WNK2: variants seen among roughly 807,000 people sequenced by gnomAD.
WNK2 encodes WNK lysine deficient protein kinase 2.
A neutral mutation model predicts 192.1 loss-of-function variants in WNK2; 67 were observed. That is an observed-to-expected ratio of 0.35 (90% CI 0.29 to 0.43). The LOEUF is 0.43. Ranked by LOEUF, WNK2 falls within the 20% of genes least tolerant of loss-of-function variation. WNK2 has a pLI of 1.00. For missense variants in WNK2, 2,698 were observed against 3,089.7 expected (o/e 0.87, Z 3.01); for synonymous variants, 1,439 against 1,393.9 (o/e 1.03, Z -0.72).
chr9:93,194,691 A>G (rs1830918107), intron 2 of WNK2, among the ~76,000 whole-genome samples: 1 of 152,246 alleles, frequency 6.6e-6, no homozygotes, highest in African/African-American at 2.4e-5. Flanking sequence ...CAATCCAGCA[A>G]CTGCGTTCCT....
intron 2 of WNK2, among the ~76,000 whole-genome samples, chr9:93,193,190 G>A (rs960653418): frequency 6.6e-6 from 1 of 152,090 alleles, no homozygotes; most frequent in South Asian, 2.1e-4. Flanking sequence ...GGTCCCAGCC[G>A]CACTGCCCTG....
At chr9:93,218,779 C>CA (rs935469121) in intron 2 of WNK2, among the ~76,000 whole-genome samples, 1 of 152,218 alleles carries the variant, frequency 6.6e-6, no homozygotes. Flanking sequence ...GTCTGGCTGT[C>CA]AGGGCCAGGG....
chr9:93,308,416 C>G lies in WNK2; in HGVS notation c.6348C>G (p.Asn2116Lys). Residue 2116 changes from asparagine to lysine, a missense_variant, in exon 28 of 30, where the codon AAC becomes AAG. Asn to Lys is a moderately conservative substitution (Grantham distance 94). This residue lies in a region of WNK2 where 167 missense variants were observed against 184.2 expected (regional missense o/e 0.91). Transcript: ENST00000427277. ...AGGCGCAGGTGAACAACAGCAACAA[C>G]AAGAAGGGTACCTTCACGGACGACC... ...HVQAQVNNSNNKKGTFTDDLH... is the reference protein window; with the variant it reads ...HVQAQVNNSNKKKGTFTDDLH... 6.2e-7 allele frequency: 1 copy of G among 1,602,420 alleles called. No individual in the cohort carries two copies. Among genetic ancestry groups the G allele is most frequent in the Non-Finnish European group, 8.5e-7 (1 of 1,175,272 alleles).
chr9:93,304,541 G>A (rs1047567932), intron 26 of WNK2, among the ~76,000 whole-genome samples: 4 of 152,250 alleles, frequency 2.6e-5, no homozygotes, highest in African/African-American at 4.8e-5. Context: ...TGGGCCTGGC[G>A]TCAATTGGCA....
intron 2 of WNK2, among the ~76,000 whole-genome samples, chr9:93,203,805 T>C (rs1036052221): frequency 6.6e-6 from 1 of 152,060 alleles, no homozygotes; most frequent in Admixed American, 6.6e-5. Flanking sequence ...ACAGGTGGTG[T>C]TGGAAGCCCT....
chr9:93,280,319 A>G (rs1466599692), intron 19 of WNK2, among the ~76,000 whole-genome samples: 1 of 152,216 alleles, frequency 6.6e-6, no homozygotes, highest in African/African-American at 2.4e-5. Flanking sequence ...TAATACCACA[A>G]TGAGACACCA....
intron 28 of WNK2, among the ~76,000 whole-genome samples, chr9:93,311,932 C>A (rs1853735722): frequency 6.6e-6 from 1 of 152,124 alleles, no homozygotes; most frequent in South Asian, 2.1e-4. Context: ...GTTCAGCCAT[C>A]CTTTCTGGTT....
chr9:93,312,406 C>T (rs1192210190), intron 28 of WNK2, among the ~76,000 whole-genome samples: 2 of 152,014 alleles, frequency 1.3e-5, no homozygotes, highest in African/African-American at 4.8e-5. Flanking sequence ...GATTGTGTCT[C>T]ACTCTGTCGC....
At chr9:93,223,311 C>T (rs1837244953) in intron 2 of WNK2, among the ~76,000 whole-genome samples, 1 of 152,208 alleles carries the variant, frequency 6.6e-6, no homozygotes, top group Non-Finnish European at 1.5e-5. Context: ...CATAAACCAC[C>T]CACTGCTCAA....
chr9:93,274,515 CAAAAAA>C (rs67350876), intron 19 of WNK2, among the ~76,000 whole-genome samples: 125 of 118,390 alleles, frequency 1.1e-3, no homozygotes, highest in African/African-American at 4.2e-3. Context: ...CCGTCTCAAC[CAAAAAA>C]AAAAAAAAAA....
intron 2 of WNK2, among the ~76,000 whole-genome samples, chr9:93,194,704 GT>G: frequency 6.6e-6 from 1 of 152,170 alleles, no homozygotes; most frequent in Non-Finnish European, 1.5e-5. Context: ...GCGTTCCTTG[GT>G]ATTTACCCAA....
At chr9:93,236,819 G>A (rs1839886648) in intron 5 of WNK2, among the ~76,000 whole-genome samples, 1 of 152,264 alleles carries the variant, frequency 6.6e-6, no homozygotes, top group Non-Finnish European at 1.5e-5. Flanking sequence ...CCCAGGTGTG[G>A]TTAGAAAGGC....
chr9:93,254,417 C>T (rs1298994968), intron 9 of WNK2, among the ~76,000 whole-genome samples: 15 of 152,184 alleles, frequency 9.9e-5, no homozygotes, highest in African/African-American at 4.8e-5. Context: ...GTCGGCTGAG[C>T]GTGGGCACAT....
At position 93,320,396 on chromosome 9, in the gene WNK2, C is replaced by G. The variant is rs376731708; in HGVS notation, c.*4C>G. ...TGAGAGTGAGAAGCCTGACTGACCCCGCCTAGACGCCAGGCCCACTTCACG... is the reference window on the plus strand; with the variant it reads ...TGAGAGTGAGAAGCCTGACTGACCCGGCCTAGACGCCAGGCCCACTTCACG... On this transcript the variant is annotated 3_prime_UTR_variant, in exon 30 of 30. Transcript: ENST00000427277. The G allele has an allele frequency of 2.9e-6, 4 of 1,367,646 alleles. No individual in the cohort carries two copies. The highest frequency in any genetic ancestry group is 3.9e-6 in the Non-Finnish European group (4 of 1,021,842). 84.7% of individuals were successfully genotyped at this position (1,367,646 alleles called of 1,614,324 possible).
At chr9:93,187,185 C>G (rs1031790222) in intron 2 of WNK2, among the ~76,000 whole-genome samples, 23 of 152,148 alleles carry the variant, frequency 1.5e-4, no homozygotes, top group Non-Finnish European at 8.8e-5. Flanking sequence ...GCCTGCTGAT[C>G]TGGCTGAGGC....
rs758491161 is a variant in WNK2 at position 93,259,036 on chromosome 9, C to A, written c.2488C>A (p.Pro830Thr). The A allele has an allele frequency of 5.0e-6, 8 of 1,613,072 alleles. No homozygotes were observed. In the Admixed American group the frequency reaches 1.3e-4, roughly 27 times the overall value. ...GACCGCGACTGTGCCTCCCGTGCCACCACCTCAGTATTTCTCTCCAGCCGT... is the reference window on the plus strand; with the variant it reads ...GACCGCGACTGTGCCTCCCGTGCCAACACCTCAGTATTTCTCTCCAGCCGT... ...LPTATVPPVP[P>T]PQYFSPAVIL... Residue 830 changes from proline (P) to threonine (T), a missense_variant, in exon 12 of 30, where the codon CCA becomes ACA. By Grantham distance (38) the Pro-to-Thr change is conservative. Transcript: ENST00000427277. The surrounding 1 kb of genome is among the most constrained non-coding windows in gnomAD (Gnocchi z 4.8).
At chr9:93,262,915 T>C (rs1434344681) in intron 14 of WNK2, among the ~76,000 whole-genome samples, 196 bp downstream of exon 14, 1 of 152,176 alleles carries the variant, frequency 6.6e-6, no homozygotes, top group Non-Finnish European at 1.5e-5. Flanking sequence ...TGTTGGAGTT[T>C]GGTAGCCAGA....
chr9:93,315,823 G>GTGTGTATA (rs1021505499), intron 28 of WNK2: 1 of 146,804 alleles, frequency 6.8e-6, no homozygotes, highest in African/African-American at 2.6e-5. Flanking sequence ...GTGTGTGTGT[G>GTGTGTATA]TATATAATGG....
At chr9:93,217,019 C>G (rs539194563) in intron 2 of WNK2, among the ~76,000 whole-genome samples, 1 of 150,860 alleles carries the variant, frequency 6.6e-6, no homozygotes, top group African/African-American at 2.4e-5. Flanking sequence ...AGTGCAGTGG[C>G]GAGATCTCGG....
Sources: gnomAD v4.1 joint callset for allele counts (sites outside exome capture counted in the v4.1 genomes callset) on GRCh38, gnomAD v4.1.1 for gene constraint, gnomAD v4.1.1 regional missense constraint, Gnocchi (gnomAD v3.1) non-coding constraint, MANE v1.5 for transcripts, NCBI Gene and HGNC (gene_info 2026-07-23, HGNC 2026-07-21) for gene names.